Variants in NRXN3 observed in about 807,000 individuals in gnomAD.
NRXN3 encodes neurexin III.
In NRXN3, 32 loss-of-function variants were observed where a neutral mutation model predicts 137.6. The ratio of observed to expected loss-of-function variants is 0.23; its 90% CI spans 0.18 to 0.31. The LOEUF (loss-of-function observed/expected upper bound fraction) is 0.31. NRXN3 is among the 10% of genes least tolerant of loss of function. The pLI is 1.00. For synonymous variants in NRXN3, 798 were observed against 784.5 expected (o/e 1.02, Z -0.29); for missense variants, 1,574 against 2,062.5 (o/e 0.76, Z 4.59).
chr14:78,747,390 G>A (rs2098614508), intron 8 of NRXN3, among the ~76,000 whole-genome samples: 1 of 152,108 alleles, frequency 6.6e-6, no homozygotes, highest in Admixed American at 6.5e-5. Context: ...TCTCACCAAG[G>A]AAATCAGGTG....
intron 3 of NRXN3, among the ~76,000 whole-genome samples, chr14:78,291,534 GAAC>G (rs1011904310): frequency 9.2e-5 from 14 of 152,124 alleles, no homozygotes; most frequent in African/African-American, 3.4e-4. Context: ...AATGCAAATT[GAAC>G]AACATGACTT....
chr14:78,383,872 T>C (rs979706873), intron 4 of NRXN3, among the ~76,000 whole-genome samples: 2 of 152,196 alleles, frequency 1.3e-5, no homozygotes, highest in African/African-American at 4.8e-5. Context: ...CTTGACCTTA[T>C]AAAATTCCCT....
At chr14:79,803,989 A>G (rs2099193309) in intron 19 of NRXN3, among the ~76,000 whole-genome samples, 1 of 148,784 alleles carries the variant, frequency 6.7e-6, no homozygotes, top group Non-Finnish European at 1.5e-5. Flanking sequence ...GTGTATATAT[A>G]TATGTATGTA....
intron 19 of NRXN3, among the ~76,000 whole-genome samples, chr14:79,763,423 C>T (rs1307700392): frequency 6.6e-6 from 1 of 151,528 alleles, no homozygotes; most frequent in Admixed American, 6.6e-5. Flanking sequence ...GGGTATACAC[C>T]CAGTAATGGG....
chr14:78,628,215 G>A (rs1021574307), intron 4 of NRXN3, among the ~76,000 whole-genome samples: 7 of 151,898 alleles, frequency 4.6e-5, no homozygotes, highest in Non-Finnish European at 1.0e-4. Context: ...TGGGACTATA[G>A]ACACATGCCA....
intron 15 of NRXN3, among the ~76,000 whole-genome samples, chr14:79,330,032 A>G (rs767767680): frequency 1.4e-4 from 22 of 151,968 alleles, no homozygotes; most frequent in Admixed American, 3.9e-4. Context: ...GGGTTTCATC[A>G]TGTTGGCCAG....
At chr14:79,448,925 C>G (rs948750309) in intron 15 of NRXN3, among the ~76,000 whole-genome samples, 5 of 152,172 alleles carry the variant, frequency 3.3e-5, no homozygotes, top group Admixed American at 3.3e-4. Flanking sequence ...AGCAGGACTG[C>G]TCACTGCACA....
chr14:78,186,665 A>T (rs561336266), intron 1 of NRXN3, among the ~76,000 whole-genome samples: 1 of 152,278 alleles, frequency 6.6e-6, no homozygotes, highest in Non-Finnish European at 1.5e-5. Context: ...CCTTTTTAAT[A>T]GGGGGTCCTC....
At chr14:78,406,239 A>G (rs1319673218) in intron 4 of NRXN3, among the ~76,000 whole-genome samples, 1 of 152,200 alleles carries the variant, frequency 6.6e-6, no homozygotes, top group Non-Finnish European at 1.5e-5. Context: ...TTATTGGCTC[A>G]TGTGATTGAG....
intron 4 of NRXN3, among the ~76,000 whole-genome samples, chr14:78,413,733 G>A (rs1321649478): frequency 5.9e-5 from 9 of 152,338 alleles, no homozygotes; most frequent in Non-Finnish European, 1.2e-4. Context: ...ACCTGCAGCA[G>A]TTGGGGGATG....
intron 15 of NRXN3, among the ~76,000 whole-genome samples, chr14:79,037,975 G>A (rs1334845756): frequency 6.6e-6 from 1 of 152,066 alleles, no homozygotes; most frequent in Non-Finnish European, 1.5e-5. Context: ...ATATGATTGG[G>A]TTTAATGATC....
chr14:79,494,352 G>A (rs2096745792), intron 16 of NRXN3, among the ~76,000 whole-genome samples: 1 of 152,182 alleles, frequency 6.6e-6, no homozygotes, highest in African/African-American at 2.4e-5. Flanking sequence ...AAGGGGGTCA[G>A]TAACTCTGGG....
At chr14:78,961,013 T>C (rs949532356) in intron 11 of NRXN3, among the ~76,000 whole-genome samples, 44 of 96,486 alleles carry the variant, frequency 4.6e-4, no homozygotes, top group South Asian at 9.7e-4. Context: ...TATTTGCTAA[T>C]TTTTTTTTTT....
chr14:78,178,563 C>T (rs545274741), intron 1 of NRXN3, among the ~76,000 whole-genome samples: 2 of 152,098 alleles, frequency 1.3e-5, no homozygotes, highest in Non-Finnish European at 2.9e-5. Context: ...TTTGCTGTGT[C>T]GCCCTAAACC....
rs529288657 is a variant in NRXN3 at position 79,855,538 on chromosome 14, A to T, written c.4094-5804A>T. Among the ~76,000 whole-genome samples the T allele has an allele frequency of 1.5e-3, 224 of 152,294 alleles. 1 individual carries two copies. The highest frequency in any genetic ancestry group is 5.1e-3 in the African/African-American group (212 of 41,586). On this transcript the variant is annotated intron_variant, in intron 20 of 20. Coordinates refer to ENST00000335750, the MANE Select transcript of NRXN3 (RefSeq NM_001330195.2). ...AAAATATTTTCTTTCTATGAAAAAG[A>T]TATCCAAAGGTAAATTTAATAAAAT...
intron 4 of NRXN3, among the ~76,000 whole-genome samples, chr14:78,584,396 G>A (rs1172932010): frequency 6.6e-6 from 1 of 151,666 alleles, no homozygotes; most frequent in East Asian, 1.9e-4. Flanking sequence ...AAGGCTGAAC[G>A]TCATTGTTCT....
At chr14:78,887,562 G>A (rs1355414157) in intron 10 of NRXN3, among the ~76,000 whole-genome samples, 1 of 151,902 alleles carries the variant, frequency 6.6e-6, no homozygotes, top group African/African-American at 2.4e-5. Flanking sequence ...AGAACCTCAG[G>A]GTTTTCCTGA....
intron 16 of NRXN3, among the ~76,000 whole-genome samples, chr14:79,521,190 C>T (rs1295622728): frequency 6.6e-6 from 1 of 151,922 alleles, no homozygotes; most frequent in African/African-American, 2.4e-5. Flanking sequence ...ATATTTGTTC[C>T]TGGTCCTCTC....
intron 1 of NRXN3, among the ~76,000 whole-genome samples, chr14:78,209,376 G>A (rs2062522574): frequency 6.6e-6 from 1 of 152,198 alleles, no homozygotes; most frequent in East Asian, 1.9e-4. Flanking sequence ...CAGGGCCGGT[G>A]CGATTACCTC....
Sources: allele counts gnomAD v4.1 joint callset (sites outside exome capture counted in the v4.1 genomes callset), GRCh38; gene constraint gnomAD v4.1.1; transcripts MANE v1.5; gene names NCBI Gene and HGNC (gene_info 2026-07-23, HGNC 2026-07-21).